ZFR2: variants seen among roughly 807,000 people sequenced by gnomAD.
The protein encoded by ZFR2 is zinc finger RNA binding protein 2, also known as zinc finger RNA-binding protein 2.
In ZFR2, 104 loss-of-function variants were observed where a neutral mutation model predicts 105.7. The ratio of observed to expected loss-of-function variants is 0.98; its 90% confidence interval spans 0.84 to 1.16. The LOEUF is 1.16. Among genes scored for constraint, ZFR2 ranks in the 50% most tolerant of loss-of-function variants. The pLI is 0.00. For missense variants in ZFR2, 1,425 were observed against 1,355.5 expected (o/e 1.05, Z -0.80); for synonymous variants, 634 against 597.7 (o/e 1.06, Z -0.89).
At position 3,806,096 on chromosome 19, in the gene ZFR2, C is replaced by A; in HGVS notation, c.2673G>T (p.Gln891His). The A allele has an allele frequency of 1.3e-6, 2 of 1,489,804 alleles. No individual in the cohort carries two copies. The highest frequency in any genetic ancestry group is 1.3e-5 in the South Asian group (1 of 76,350). The allele number at this position is 1,489,804 out of a possible 1,614,324, so 92.3% of individuals were successfully genotyped here. A position where few individuals can be genotyped will look rare whatever the true frequency, so the allele number is the denominator to read the frequency against. ...QHALRMLAFR[Q>H]THKVLGMDLL... Reference sequence around the variant, plus strand: ...GATCCATGCCCAGGACCTTGTGGGTCTGCCGGAAGGCCAGCATTCGCAGGG... The same window carrying A: ...GATCCATGCCCAGGACCTTGTGGGTATGCCGGAAGGCCAGCATTCGCAGGG... The change falls in exon 19 of 19, where the codon CAG (glutamine) becomes CAT (histidine). Residue 891 changes from glutamine to histidine, a missense_variant. Transcript: ENST00000262961.
At position 3,827,638 on chromosome 19, in the gene ZFR2, G is replaced by C. The variant is rs1473893746; in HGVS notation, c.868C>G (p.Leu290Val). ...CAGPQTYREH[L>V]GGQKHRKKEA... ...TTCTTTCTGTGCTTCTGCCCTCCCA[G>C]ATGTTCCCGGTAGGTCTGCGGCAAG... Residue 290 changes from leucine to valine, a missense_variant, in exon 6 of 19, where the codon CTG becomes GTG. Coordinates refer to ENST00000262961, the MANE Select transcript of ZFR2 (RefSeq NM_015174.2). The C allele has an allele frequency of 1.9e-6, 3 of 1,581,506 alleles. No homozygotes were observed. Among genetic ancestry groups the C allele is most frequent in the Non-Finnish European group, 2.6e-6 (3 of 1,164,232 alleles).
Position 3,827,672 on chromosome 19 carries a change from G to A in ZFR2, c.853-19C>T, listed in dbSNP as rs964553003. 4 of 1,566,086 alleles carry A rather than the reference G, an allele frequency of 2.6e-6. No homozygotes were observed. The African/African-American group carries it at 4.1e-5, about 16-fold the overall frequency. On this transcript the variant is annotated intron_variant, in intron 5 of 18. Transcript: ENST00000262961. ...GGTAGGTCTGCGGCAAGGGGTGAGA[G>A]GCAGCCTGGGCGGGGGTTTGCACAC...
At chr19:3,852,719 A>T in intron 1 of ZFR2, 1 of 641,966 alleles carries the variant, frequency 1.6e-6, no homozygotes, top group Non-Finnish European at 2.9e-6. Flanking sequence ...TCAGGAGCTG[A>T]GCCAGCAAAA....
At chr19:3,808,265 G>A (rs568339416) in intron 17 of ZFR2, among the ~76,000 whole-genome samples, 64 of 152,318 alleles carry the variant, frequency 4.2e-4, no homozygotes, top group Middle Eastern at 6.8e-3. Flanking sequence ...GCGTGTGTGC[G>A]TGTGCATGCC....
At chr19:3,830,452 T>G (rs780778008) in intron 5 of ZFR2, among the ~76,000 whole-genome samples, 2 of 152,050 alleles carry the variant, frequency 1.3e-5, no homozygotes, top group Non-Finnish European at 2.9e-5. Flanking sequence ...AAACTCAAAC[T>G]TCTATGCGAG....
intron 1 of ZFR2, among the ~76,000 whole-genome samples, chr19:3,847,283 G>A (rs1383196538): frequency 6.6e-6 from 1 of 152,226 alleles, no homozygotes; most frequent in Non-Finnish European, 1.5e-5. Flanking sequence ...CAACTACTCG[G>A]GAGGCAGAGG....
intron 1 of ZFR2, among the ~76,000 whole-genome samples, chr19:3,845,494 A>AT (rs2038176754): frequency 6.6e-6 from 1 of 150,938 alleles, no homozygotes; most frequent in South Asian, 2.1e-4. Flanking sequence ...AAAAAAAAAA[A>AT]GGTAAAACTG....
At chr19:3,836,812 C>G (rs925900309) in intron 1 of ZFR2, among the ~76,000 whole-genome samples, 1 of 152,158 alleles carries the variant, frequency 6.6e-6, no homozygotes, top group African/African-American at 2.4e-5. Flanking sequence ...GACCCCAATG[C>G]CCCTTGTTCA....
intron 1 of ZFR2, among the ~76,000 whole-genome samples, chr19:3,843,704 G>A (rs955326527): frequency 4.0e-5 from 6 of 151,632 alleles, no homozygotes; most frequent in Non-Finnish European, 8.8e-5. Flanking sequence ...GCGTGGTGGC[G>A]GGCGCCTGTA....
intron 7 of ZFR2, among the ~76,000 whole-genome samples, 167 bp downstream of exon 7, chr19:3,825,063 G>A (rs1041657699): frequency 4.6e-5 from 7 of 152,200 alleles, no homozygotes; most frequent in Non-Finnish European, 1.0e-4. Context: ...GCCAGTGGGA[G>A]GCCATCTTGC....
intron 1 of ZFR2, among the ~76,000 whole-genome samples, chr19:3,839,440 C>G (rs1014801775): frequency 6.9e-6 from 1 of 145,846 alleles, no homozygotes; most frequent in African/African-American, 2.5e-5. Flanking sequence ...GGCTGAGGCA[C>G]GAGAATCGCT....
intron 1 of ZFR2, chr19:3,852,357 C>G: frequency 1.5e-6 from 1 of 649,846 alleles, no homozygotes; most frequent in Non-Finnish European, 2.8e-6. Context: ...CTGACCATGG[C>G]TGGGCTTCTC....
At chr19:3,833,446 G>C (rs1414478848) in intron 3 of ZFR2, 7 of 405,632 alleles carry the variant, frequency 1.7e-5, no homozygotes, top group African/African-American at 1.4e-4. Flanking sequence ...CGTGGTTGCA[G>C]GCACTTGTAG....
rs947736420 is a variant in ZFR2, at chr19:3,823,395, C to T, written c.1222G>A (p.Glu408Lys). The change falls in exon 8 of 19, where the codon GAG becomes AAG. Residue 408 changes from glutamate to lysine, a missense_variant. By Grantham distance (56) the Glu-to-Lys change is moderately conservative. Coordinates refer to ENST00000262961, the MANE Select transcript of ZFR2 (RefSeq NM_015174.2). This position sits in a 1 kb window ranked among gnomAD's most constrained non-coding sequence, Gnocchi z 5.4. ...GGTCTGCAGCCTGCTGCCTGTGGCT[C>T]AGGAGGCCCTGAGGGGAAAAACCAT... The part of the protein sequence containing the change: ...ASKALCEGPP[E>K]PQAAGCRPQW... 2 of 1,608,350 alleles carry T rather than the reference C, an allele frequency of 1.2e-6. No individual in the cohort carries two copies. Among genetic ancestry groups the T allele is most frequent in the African/African-American group, 2.7e-5 (2 of 74,652 alleles).
chr19:3,865,170 A>G (rs1025115994), intron 1 of ZFR2, among the ~76,000 whole-genome samples: 1 of 152,222 alleles, frequency 6.6e-6, no homozygotes, highest in African/African-American at 2.4e-5. Flanking sequence ...TCATAAGACC[A>G]TATAAAATAA....
chr19:3,818,425 C>A (rs1370069621), intron 12 of ZFR2, among the ~76,000 whole-genome samples: 1 of 152,202 alleles, frequency 6.6e-6, no homozygotes, highest in Admixed American at 6.5e-5. Context: ...CTGATCGCGC[C>A]ATTGCCCTCC....
chr19:3,808,385 C>G (rs912761050), intron 17 of ZFR2, among the ~76,000 whole-genome samples: 1 of 152,256 alleles, frequency 6.6e-6, no homozygotes, highest in Admixed American at 6.5e-5. Context: ...CACCCTTTTC[C>G]GTATCTGGCC....
Position 3,834,642 on chromosome 19 carries a change from G to A in ZFR2, c.264+131C>T. On this transcript the variant is annotated intron_variant, in intron 2 of 18. Transcript: ENST00000262961. The surrounding 1 kb of genome is among the most constrained non-coding windows in gnomAD (Gnocchi z 5.3). ...CCACCACGGGTACGCAATGCCAGCA[G>A]AAGGGTCCCGAAGGAAGGATCACGG... is the stretch of plus-strand genomic sequence containing the variant. The A allele has an allele frequency of 1.0e-6, 1 of 997,318 alleles. No individual in the cohort carries two copies. The highest frequency in any genetic ancestry group is 1.5e-6 in the Non-Finnish European group (1 of 666,684). 61.8% of individuals were successfully genotyped at this position (997,318 alleles called of 1,614,324 possible).
At chr19:3,855,832 G>C (rs2038292125) in intron 1 of ZFR2, among the ~76,000 whole-genome samples, 1 of 152,140 alleles carries the variant, frequency 6.6e-6, no homozygotes, top group Non-Finnish European at 1.5e-5. Context: ...AGCGTGACTA[G>C]AGCGGAAGGA....
Sources: gnomAD v4.1 joint callset for allele counts (sites outside exome capture counted in the v4.1 genomes callset) on GRCh38, gnomAD v4.1.1 for gene constraint, Gnocchi (gnomAD v3.1) non-coding constraint, MANE v1.5 for transcripts, NCBI Gene and HGNC (gene_info 2026-07-23, HGNC 2026-07-21) for gene names.